GALNT1: variants seen among roughly 807,000 people sequenced by gnomAD.
GALNT1 encodes polypeptide N-acetylgalactosaminyltransferase 1.
In GALNT1, 17 loss-of-function variants were observed where a neutral mutation model predicts 65.7. That is an observed-to-expected ratio of 0.26 (90% confidence interval 0.18 to 0.39). GALNT1 has a LOEUF of 0.39. GALNT1 is among the 10% of genes least tolerant of loss of function. The probability of loss-of-function intolerance (pLI) is 1.00; values close to 1 mark genes in which losing one functional copy is unlikely to be tolerated. For missense variants in GALNT1, 460 were observed against 672.8 expected (o/e 0.68, Z 3.50); for synonymous variants, 210 against 219.7 (o/e 0.96, Z 0.39).
chr18:35,669,834 G>A (rs951302114), intron 3 of GALNT1, among the ~76,000 whole-genome samples: 1 of 152,178 alleles, frequency 6.6e-6, no homozygotes, highest in African/African-American at 2.4e-5. Context: ...CTTAGCCAGT[G>A]TAAGGAGGCA....
intron 1 of GALNT1, among the ~76,000 whole-genome samples, chr18:35,589,899 A>G (rs1258406185): frequency 6.6e-6 from 1 of 152,252 alleles, no homozygotes; most frequent in Non-Finnish European, 1.5e-5. Context: ...GATTCAGTAG[A>G]TGTAACATTT....
chr18:35,684,788 C>T (rs950750480), intron 5 of GALNT1, among the ~76,000 whole-genome samples: 6 of 152,206 alleles, frequency 3.9e-5, no homozygotes, highest in African/African-American at 1.4e-4. Flanking sequence ...AGCCAGCTTT[C>T]GCTGGTAGGG....
In GALNT1 at chr18:35,603,176, G is replaced by C. The variant is rs1019023755; in HGVS notation, c.-104+21314G>C. Reference sequence around the variant, plus strand: ...GTTTTTCTCCTTACAAGCTTCTTGTGGGTTGAGGCAAGAACAGGGAACCCA... The same window carrying C: ...GTTTTTCTCCTTACAAGCTTCTTGTCGGTTGAGGCAAGAACAGGGAACCCA... On this transcript the variant is annotated intron_variant, in intron 1 of 11. Transcript: ENST00000269195. 9.4e-4 allele frequency among the ~76,000 whole-genome samples: 143 copies of C among 152,242 alleles called. 1 individual carries two copies. The highest frequency in any genetic ancestry group is 3.0e-3 in the African/African-American group (124 of 41,540).
chr18:35,593,304 CT>C (rs1329174048), intron 1 of GALNT1, among the ~76,000 whole-genome samples: 3 of 152,284 alleles, frequency 2.0e-5, no homozygotes, highest in African/African-American at 7.2e-5. Flanking sequence ...TGAAAAGATT[CT>C]TTCTCTGCTC....
At chr18:35,636,189 T>C (rs1005084589) in intron 1 of GALNT1, among the ~76,000 whole-genome samples, 1 of 152,202 alleles carries the variant, frequency 6.6e-6, no homozygotes, top group African/African-American at 2.4e-5. Context: ...TTTTTCCTTA[T>C]TGCAGAACTT....
At chr18:35,674,189 G>T (rs536767161) in intron 3 of GALNT1, among the ~76,000 whole-genome samples, 9 of 152,130 alleles carry the variant, frequency 5.9e-5, no homozygotes, top group Non-Finnish European at 1.0e-4. Flanking sequence ...GAATGTGAAG[G>T]CCTAAGACAT....
At chr18:35,649,652 C>T (rs1037248513) in intron 1 of GALNT1, among the ~76,000 whole-genome samples, 14 of 151,850 alleles carry the variant, frequency 9.2e-5, no homozygotes, top group Non-Finnish European at 2.1e-4. Context: ...TTTGTTCTAT[C>T]TAGGGAATCT....
At chr18:35,589,090 A>C (rs2046413197) in intron 1 of GALNT1, among the ~76,000 whole-genome samples, 1 of 152,198 alleles carries the variant, frequency 6.6e-6, no homozygotes, top group African/African-American at 2.4e-5. Flanking sequence ...GGGAGGGCAC[A>C]TGGCACTGTC....
intron 1 of GALNT1, among the ~76,000 whole-genome samples, chr18:35,639,820 A>G (rs777049488): frequency 2.0e-5 from 3 of 152,114 alleles, no homozygotes; most frequent in Non-Finnish European, 2.9e-5. Flanking sequence ...TTGTCAGACG[A>G]AGTCTCACTT....
chr18:35,675,009 AAG>A (rs1217892168), intron 3 of GALNT1, among the ~76,000 whole-genome samples: 13 of 145,906 alleles, frequency 8.9e-5, no homozygotes, highest in East Asian at 4.2e-4. Context: ...AAAAAAAAAA[AAG>A]CTCGTTTTCA....
chr18:35,681,411 A>C (rs1283790839), intron 4 of GALNT1, among the ~76,000 whole-genome samples: 1 of 152,170 alleles, frequency 6.6e-6, no homozygotes, highest in Non-Finnish European at 1.5e-5. Context: ...TGAAAGCAAC[A>C]AAGATGTCAA....
intron 1 of GALNT1, among the ~76,000 whole-genome samples, chr18:35,636,095 T>C (rs1210966988): frequency 6.6e-6 from 1 of 152,190 alleles, no homozygotes; most frequent in Non-Finnish European, 1.5e-5. Context: ...CTTTATGTTA[T>C]ACAGAAACAA....
At chr18:35,699,195 T>C (rs1320561646) in intron 9 of GALNT1, among the ~76,000 whole-genome samples, 2 of 151,834 alleles carry the variant, frequency 1.3e-5, no homozygotes, top group Non-Finnish European at 2.9e-5. Flanking sequence ...TTTGGAATTA[T>C]CATAACATAA....
At chr18:35,658,056 C>G (rs369407864) in intron 2 of GALNT1, among the ~76,000 whole-genome samples, 1 of 152,140 alleles carries the variant, frequency 6.6e-6, no homozygotes, top group African/African-American at 2.4e-5. Context: ...TTGACAACCA[C>G]TAGTGGCATA....
chr18:35,631,954 T>G (rs962442382), intron 1 of GALNT1, among the ~76,000 whole-genome samples: 2 of 152,146 alleles, frequency 1.3e-5, no homozygotes, highest in African/African-American at 4.8e-5. Context: ...TCACAATTGC[T>G]TCAAAGAGAA....
chr18:35,652,025 C>CT (rs768694201), intron 1 of GALNT1, among the ~76,000 whole-genome samples: 196 of 144,922 alleles, frequency 1.4e-3, no homozygotes, highest in Non-Finnish European at 1.7e-3. Flanking sequence ...CATAAGTAGC[C>CT]TTTTTTTTTT....
rs942358747 is a variant in GALNT1, at chr18:35,706,526, AAAAG to A, written c.1533+2885_1533+2888del. ...CAAAAAATAAAATTAAATTTTAAAAAAAAGAGCCAGTTATGAGTGTGAAGTTTTA... is the reference window on the plus strand; with the variant it reads ...CAAAAAATAAAATTAAATTTTAAAAAAGCCAGTTATGAGTGTGAAGTTTTA... On this transcript the variant is annotated intron_variant, in intron 11 of 11. Coordinates refer to ENST00000269195, the MANE Select transcript of GALNT1 (RefSeq NM_020474.4). Among the ~76,000 whole-genome samples the A allele has an allele frequency of 9.5e-4, 144 of 152,252 alleles. 1 individual carries two copies. The highest frequency in any genetic ancestry group is 3.0e-3 in the African/African-American group (125 of 41,540).
chr18:35,617,930 CTTCTT>C (rs1387941810), intron 1 of GALNT1, among the ~76,000 whole-genome samples: 1 of 152,014 alleles, frequency 6.6e-6, no homozygotes, highest in Non-Finnish European at 1.5e-5. Context: ...CCTTTCTCTT[CTTCTT>C]TTCTTTTCGA....
intron 2 of GALNT1, among the ~76,000 whole-genome samples, chr18:35,658,109 T>TA (rs1239882699): frequency 1.3e-5 from 2 of 152,094 alleles, no homozygotes; most frequent in Non-Finnish European, 2.9e-5. Flanking sequence ...AAGTACAAGC[T>TA]AAAGGAGCAA....
Sources: gnomAD v4.1 joint callset for allele counts (sites outside exome capture counted in the v4.1 genomes callset) on GRCh38, gnomAD v4.1.1 for gene constraint, MANE v1.5 for transcripts, NCBI Gene and HGNC (gene_info 2026-07-23, HGNC 2026-07-21) for gene names.